The following ARHGAP24 variants were observed in gnomAD, a reference collection of about 807,000 sequenced individuals.
ARHGAP24 encodes the protein Rho GTPase activating protein 24, also known as rho GTPase-activating protein 24.
ARHGAP24 carries 50 observed loss-of-function variants against 76.4 expected under a neutral mutation model. That is an observed-to-expected ratio of 0.65 (90% CI 0.52 to 0.83). The LOEUF (loss-of-function observed/expected upper bound fraction) is 0.83, where lower values mean the gene tolerates loss of function less well. Among genes scored for constraint, ARHGAP24 ranks in the 40% least tolerant of loss-of-function variants. The pLI, the probability that ARHGAP24 is intolerant of heterozygous loss-of-function variation, is 0.00. For synonymous variants in ARHGAP24, 345 were observed against 323.3 expected (o/e 1.07, Z -0.72); for missense variants, 930 against 914.2 (o/e 1.02, Z -0.22).
intron 1 of ARHGAP24, among the ~76,000 whole-genome samples, chr4:85,486,603 A>G (rs1723058725): frequency 6.6e-6 from 1 of 152,300 alleles, no homozygotes; most frequent in East Asian, 1.9e-4. Context: ...TCTCAGCACT[A>G]TGTATTGACG....
At chr4:85,854,264 A>C (rs1731432903) in intron 3 of ARHGAP24, among the ~76,000 whole-genome samples, 1 of 152,226 alleles carries the variant, frequency 6.6e-6, no homozygotes, top group South Asian at 2.1e-4. Flanking sequence ...CTTGAAAAAT[A>C]GCATTTTGAA....
intron 3 of ARHGAP24, among the ~76,000 whole-genome samples, chr4:85,873,071 A>G (rs1732634669): frequency 6.6e-6 from 1 of 152,176 alleles, no homozygotes. Flanking sequence ...AAAAGGCTGC[A>G]GTGTGTGATG....
chr4:85,624,867 G>A (rs1245661888), intron 2 of ARHGAP24, among the ~76,000 whole-genome samples: 1 of 152,188 alleles, frequency 6.6e-6, no homozygotes, highest in Non-Finnish European at 1.5e-5. Context: ...GCATAGAGGT[G>A]TTTGCAGTAT....
chr4:85,969,514 C>A (rs1415750808), intron 5 of ARHGAP24, among the ~76,000 whole-genome samples: 4 of 151,732 alleles, frequency 2.6e-5, no homozygotes, highest in African/African-American at 9.7e-5. Context: ...TCTGTACTAC[C>A]TATGGCTAAT....
At chr4:85,663,691 C>A (rs1340632337) in intron 2 of ARHGAP24, among the ~76,000 whole-genome samples, 3 of 151,428 alleles carry the variant, frequency 2.0e-5, no homozygotes, top group Non-Finnish European at 2.9e-5. Context: ...GAGATATGTC[C>A]CATCAATATC....
At chr4:85,753,159 T>C (rs971106475) in intron 3 of ARHGAP24, among the ~76,000 whole-genome samples, 1 of 152,240 alleles carries the variant, frequency 6.6e-6, no homozygotes, top group African/African-American at 2.4e-5. Context: ...TTTTTGAAGC[T>C]ATTGTTATAC....
intron 2 of ARHGAP24, among the ~76,000 whole-genome samples, chr4:85,701,004 A>T (rs1382256858): frequency 6.6e-6 from 1 of 152,222 alleles, no homozygotes; most frequent in Non-Finnish European, 1.5e-5. Flanking sequence ...TCATGAATTA[A>T]GATGATCTGG....
intron 8 of ARHGAP24, 133 bp from the exon 9 acceptor site, chr4:85,994,450 A>T: frequency 1.1e-6 from 1 of 895,870 alleles, no homozygotes; most frequent in Non-Finnish European, 1.8e-6. Flanking sequence ...CTATTATCAT[A>T]GTTAAGAATA....
intron 3 of ARHGAP24, among the ~76,000 whole-genome samples, chr4:85,730,895 A>G (rs1308139830): frequency 6.6e-6 from 1 of 151,772 alleles, no homozygotes; most frequent in African/African-American, 2.4e-5. Flanking sequence ...ATGTTCCCAT[A>G]ATATTAATAT....
At chr4:85,553,828 T>C (rs893419408) in intron 1 of ARHGAP24, among the ~76,000 whole-genome samples, 1 of 152,176 alleles carries the variant, frequency 6.6e-6, no homozygotes, top group African/African-American at 2.4e-5. Context: ...GCATTAATAT[T>C]GGTATGTGGA....
rs1012507407 is a variant in ARHGAP24, at chr4:86,001,126, G to A, written c.*404G>A. 1.8e-5 allele frequency: 7 copies of A among 378,634 alleles called. No individual in the cohort carries two copies. Among genetic ancestry groups the A allele is most frequent in the Non-Finnish European group, 3.2e-5 (7 of 219,038 alleles). 23.5% of individuals were successfully genotyped at this position (378,634 alleles called of 1,614,324 possible). A position where few individuals can be genotyped will look rare whatever the true frequency, so the allele number is the denominator to read the frequency against. ...TGTGTTATCATCGGCTTATTTTATA[G>A]ATCAATATTTTTATTTCCCTTTTTT... On this transcript the variant is annotated 3_prime_UTR_variant, in exon 10 of 10. Coordinates refer to ENST00000395184, the MANE Select transcript of ARHGAP24 (RefSeq NM_001025616.3).
chr4:85,847,918 A>C (rs1290102491), intron 3 of ARHGAP24, among the ~76,000 whole-genome samples: 2 of 152,180 alleles, frequency 1.3e-5, no homozygotes, highest in Non-Finnish European at 2.9e-5. Flanking sequence ...CCAGTGCTGC[A>C]GATGAACAAT....
intron 2 of ARHGAP24, among the ~76,000 whole-genome samples, chr4:85,643,101 G>C (rs1171145872): frequency 6.6e-6 from 1 of 151,840 alleles, no homozygotes; most frequent in Non-Finnish European, 1.5e-5. Context: ...TCATCTTTGT[G>C]CACATGTTAC....
At chr4:85,755,281 A>G (rs1026362489) in intron 3 of ARHGAP24, among the ~76,000 whole-genome samples, 1 of 152,142 alleles carries the variant, frequency 6.6e-6, no homozygotes, top group South Asian at 2.1e-4. Flanking sequence ...TAATTTGCCT[A>G]CATCCTGTAG....
chr4:85,721,171 G>A (rs949101088), intron 2 of ARHGAP24, among the ~76,000 whole-genome samples: 3 of 152,140 alleles, frequency 2.0e-5, no homozygotes, highest in African/African-American at 7.2e-5. Flanking sequence ...CGAGGCAGGT[G>A]GATCACCTAA....
intron 3 of ARHGAP24, chr4:85,778,848 C>T: frequency 1.0e-6 from 1 of 985,414 alleles, no homozygotes; most frequent in South Asian, 4.7e-5. Flanking sequence ...CAGCATTTTC[C>T]AGACAAGCTC....
intron 3 of ARHGAP24, among the ~76,000 whole-genome samples, chr4:85,804,963 T>G (rs1490446008): frequency 6.6e-6 from 1 of 152,218 alleles, no homozygotes; most frequent in African/African-American, 2.4e-5. Context: ...CAATGGCTTC[T>G]ATTTCTCTTT....
intron 4 of ARHGAP24, among the ~76,000 whole-genome samples, chr4:85,928,481 G>A (rs1269030691): frequency 1.3e-5 from 2 of 152,174 alleles, no homozygotes; most frequent in East Asian, 1.9e-4. Flanking sequence ...TTTTGGAGAC[G>A]GAGTCTCCTT....
intron 3 of ARHGAP24, among the ~76,000 whole-genome samples, chr4:85,903,070 C>A (rs6851522): frequency 0.3 from 45,518 of 152,000 alleles, 6,958 homozygotes; most frequent in South Asian, 0.43. Context: ...TTAAGAATAA[C>A]CAACTGAGAA....
Sources: gnomAD v4.1 joint callset for allele counts (sites outside exome capture counted in the v4.1 genomes callset) on GRCh38, gnomAD v4.1.1 for gene constraint, MANE v1.5 for transcripts, NCBI Gene and HGNC (gene_info 2026-07-23, HGNC 2026-07-21) for gene names.